Variants in PPARGC1A observed in about 807,000 individuals in gnomAD.
The protein encoded by PPARGC1A is PPARG coactivator 1 alpha, also known as peroxisome proliferator-activated receptor gamma coactivator 1-alpha.
In PPARGC1A, 25 loss-of-function variants were observed where a neutral mutation model predicts 88.7. The observed-to-expected ratio is 0.28, with a 90% CI of 0.21 to 0.39. PPARGC1A has a LOEUF of 0.39. Ranked by LOEUF, PPARGC1A falls within the 10% of genes least tolerant of loss-of-function variation. The probability of loss-of-function intolerance (pLI) is 1.00; values close to 1 mark genes in which losing one functional copy is unlikely to be tolerated. For synonymous variants in PPARGC1A, 363 were observed against 355.6 expected (o/e 1.02, Z -0.24); for missense variants, 880 against 968.7 (o/e 0.91, Z 1.22).
chr4:23,885,082 T>C, intron 1 of PPARGC1A, 151 bp from the exon 2 acceptor site: 1 of 674,868 alleles, frequency 1.5e-6, no homozygotes, highest in Non-Finnish European at 2.3e-6. Context: ...AGGAAAAACA[T>C]CCTAAAATCT....
chr4:24,169,053 A>G, the PPARGC1A span, among the ~76,000 whole-genome samples: 1 of 152,188 alleles, frequency 6.6e-6, no homozygotes, highest in East Asian at 1.9e-4. Context: ...ATCCAGTTCA[A>G]CATCAACAGT....
chr4:23,917,938 A>G, the PPARGC1A span, among the ~76,000 whole-genome samples: 2 of 152,252 alleles, frequency 1.3e-5, no homozygotes, highest in Non-Finnish European at 2.9e-5. Context: ...GCAAATGTGC[A>G]TGGCAGGAAA....
At chr4:23,844,125 A>G (rs1185896189) in intron 2 of PPARGC1A, among the ~76,000 whole-genome samples, 4 of 150,722 alleles carry the variant, frequency 2.7e-5, no homozygotes, top group Non-Finnish European at 5.9e-5. Context: ...GGCAGATAAT[A>G]ATAGATTTTA....
chr4:24,345,406 C>T, the PPARGC1A span, among the ~76,000 whole-genome samples: 1 of 152,082 alleles, frequency 6.6e-6, no homozygotes, highest in African/African-American at 2.4e-5. Flanking sequence ...GGATGTGTTC[C>T]TATTTGTTTG....
intron 2 of PPARGC1A, chr4:23,884,046 G>T (rs991996815): frequency 2.6e-5 from 4 of 152,214 alleles, no homozygotes; most frequent in African/African-American, 9.6e-5. Flanking sequence ...TGTATTTCAA[G>T]TAAATGAGTA....
the PPARGC1A span, among the ~76,000 whole-genome samples, chr4:23,985,381 C>T: frequency 6.6e-6 from 1 of 151,960 alleles, no homozygotes; most frequent in Non-Finnish European, 1.5e-5. Flanking sequence ...GAGGCTGGCT[C>T]CTGCGGACCA....
the PPARGC1A span, among the ~76,000 whole-genome samples, chr4:23,967,880 T>C: frequency 2.0e-5 from 3 of 152,148 alleles, 1 homozygote; most frequent in African/African-American, 4.8e-5. Flanking sequence ...CATAGGAACA[T>C]ATAGCTTAGA....
chr4:24,279,275 G>A, the PPARGC1A span, among the ~76,000 whole-genome samples: 1 of 152,288 alleles, frequency 6.6e-6, no homozygotes, highest in Admixed American at 6.5e-5. Context: ...TAAATGAGAA[G>A]CCTTGAGTTG....
At chr4:23,956,211 G>A in the PPARGC1A span, among the ~76,000 whole-genome samples, 1 of 152,044 alleles carries the variant, frequency 6.6e-6, no homozygotes, top group Non-Finnish European at 1.5e-5. Flanking sequence ...GTCAATACCT[G>A]CTCCAGACTC....
At chr4:24,236,229 C>A in the PPARGC1A span, among the ~76,000 whole-genome samples, 1 of 152,154 alleles carries the variant, frequency 6.6e-6, no homozygotes, top group Non-Finnish European at 1.5e-5. Flanking sequence ...CCATCTGATG[C>A]TGGGTGGGTC....
chr4:24,134,654 G>A, the PPARGC1A span, among the ~76,000 whole-genome samples: 3 of 152,178 alleles, frequency 2.0e-5, no homozygotes, highest in African/African-American at 7.2e-5. Flanking sequence ...ACACAGGGAG[G>A]GCTTCTGAAT....
the PPARGC1A span, among the ~76,000 whole-genome samples, chr4:24,111,741 T>C: frequency 6.6e-6 from 1 of 152,202 alleles, no homozygotes; most frequent in African/African-American, 2.4e-5. Context: ...GGTTAACTCT[T>C]TCAAGCCACT....
chr4:23,913,374 A>G, the PPARGC1A span, among the ~76,000 whole-genome samples: 1 of 150,890 alleles, frequency 6.6e-6, no homozygotes, highest in East Asian at 2.0e-4. Flanking sequence ...AATTCTCTCT[A>G]TATGGCAGGA....
At chr4:23,892,544 GT>G (rs34009315), upstream of PPARGC1A, among the ~76,000 whole-genome samples, 7,177 of 144,102 alleles carry the variant, frequency 0.05, 199 homozygotes, top group African/African-American at 0.084. Flanking sequence ...CTTCAGTCCA[GT>G]TTTTTTTTTT....
chr4:24,020,618 T>C, the PPARGC1A span, among the ~76,000 whole-genome samples: 1 of 152,110 alleles, frequency 6.6e-6, no homozygotes, highest in Non-Finnish European at 1.5e-5. Flanking sequence ...TCCAAAGAGA[T>C]CGGGATGTGA....
the PPARGC1A span, among the ~76,000 whole-genome samples, chr4:24,399,209 C>T: frequency 6.6e-6 from 1 of 152,174 alleles, no homozygotes; most frequent in Non-Finnish European, 1.5e-5. Flanking sequence ...CTGGAAATTT[C>T]ACTCACTTTT....
At chr4:24,249,633 AC>A in the PPARGC1A span, among the ~76,000 whole-genome samples, 21,922 of 152,130 alleles carry the variant, frequency 0.14, 1,990 homozygotes, top group Middle Eastern at 0.28. Flanking sequence ...TTGGGAGGAA[AC>A]CCCAGGTTAA....
At chr4:24,450,460 T>TTTCTTTCTAGTTCTAG in the PPARGC1A span, among the ~76,000 whole-genome samples, 2 of 152,220 alleles carry the variant, frequency 1.3e-5, no homozygotes, top group Non-Finnish European at 2.9e-5. Flanking sequence ...TATACTTACA[T>TTTCTTTCTAGTTCTAG]TTCTTTCTAG....
chr4:23,931,630 C>T, the PPARGC1A span, among the ~76,000 whole-genome samples: 5 of 152,248 alleles, frequency 3.3e-5, no homozygotes, highest in African/African-American at 9.6e-5. Flanking sequence ...GATTTGAGAA[C>T]ATTTATTGGC....
Sources: allele counts gnomAD v4.1 joint callset (sites outside exome capture counted in the v4.1 genomes callset), GRCh38; gene constraint gnomAD v4.1.1; transcripts MANE v1.5; gene names NCBI Gene and HGNC (gene_info 2026-07-23, HGNC 2026-07-21).